LRP2: variants seen among roughly 807,000 people sequenced by gnomAD.
The protein encoded by LRP2 is LDL receptor related protein 2.
Under a neutral mutation model 531.0 loss-of-function variants are expected in LRP2, and 172 were observed. The observed-to-expected ratio is 0.32, with a 90% CI of 0.29 to 0.37. LRP2 has a LOEUF of 0.37. LRP2 is among the 10% of genes least tolerant of loss of function. The pLI, the probability that LRP2 is intolerant of heterozygous loss-of-function variation, is 1.00. For missense variants in LRP2, 5,167 were observed against 5,868.3 expected, an observed-to-expected ratio of 0.88 and a Z score of 3.90; for synonymous variants, 1,992 against 2,027.6, an observed-to-expected ratio of 0.98 and a Z score of 0.47.
At chr2:169,350,981 A>T (rs1236003843) in intron 1 of LRP2, among the ~76,000 whole-genome samples, 1 of 152,174 alleles carries the variant, frequency 6.6e-6, no homozygotes, top group Non-Finnish European at 1.5e-5. Context: ...GAGGCCACCA[A>T]GGAGGCAGTG....
intron 41 of LRP2, among the ~76,000 whole-genome samples, chr2:169,204,898 G>A (rs899987337): frequency 1.3e-5 from 2 of 152,130 alleles, no homozygotes; most frequent in African/African-American, 4.8e-5. Flanking sequence ...CATATGGGGG[G>A]TACTTGGAGA....
intron 71 of LRP2, among the ~76,000 whole-genome samples, chr2:169,141,337 T>G (rs1468420279): frequency 6.6e-6 from 1 of 152,176 alleles, no homozygotes; most frequent in Non-Finnish European, 1.5e-5. Context: ...CTGCCTTCAT[T>G]TTCTCCATAG....
Position 169,224,157 on chromosome 2 carries a change from C to T in LRP2, c.5538+1153G>A, listed in dbSNP as rs773959768. Reference sequence around the variant, plus strand: ...CTAAATTAGCCAGCAGGCTGCTGTGCGCCTTGCTCATCTTCAGTATCTTTC... The same window carrying T: ...CTAAATTAGCCAGCAGGCTGCTGTGTGCCTTGCTCATCTTCAGTATCTTTC... On this transcript the variant is annotated intron_variant, in intron 33 of 78. Transcript: ENST00000649046. Among the ~76,000 whole-genome samples the T allele has an allele frequency of 3.9e-5, 6 of 152,300 alleles. No homozygotes were observed. In the East Asian group the frequency reaches 5.8e-4, roughly 15 times the overall value.
intron 1 of LRP2, among the ~76,000 whole-genome samples, chr2:169,326,544 G>C (rs2105526155): frequency 6.6e-6 from 1 of 152,112 alleles, no homozygotes; most frequent in Admixed American, 6.5e-5. Flanking sequence ...CTGGAGTACA[G>C]TGGCGTGATC....
At chr2:169,306,281 C>T (rs1684415806) in intron 4 of LRP2, among the ~76,000 whole-genome samples, 2 of 152,136 alleles carry the variant, frequency 1.3e-5, no homozygotes, top group Admixed American at 1.3e-4. Flanking sequence ...TGCCTGTAAT[C>T]CCAGCACTTT....
chr2:169,194,925 G>GGTCTC (rs1220273852), intron 46 of LRP2, among the ~76,000 whole-genome samples: 1 of 150,752 alleles, frequency 6.6e-6, no homozygotes, highest in African/African-American at 2.4e-5. Context: ...TGGCCAGGAT[G>GGTCTC]GTCTCGATCT....
chr2:169,191,770 A>G, intron 48 of LRP2, 62 bp downstream of exon 48: 2 of 1,463,254 alleles, frequency 1.4e-6, no homozygotes, highest in Non-Finnish European at 1.9e-6. Flanking sequence ...CTGATAGGTA[A>G]GTGAGCCCAG....
chr2:169,147,601 G>A (rs1172581861), intron 68 of LRP2, among the ~76,000 whole-genome samples: 1 of 152,170 alleles, frequency 6.6e-6, no homozygotes, highest in Non-Finnish European at 1.5e-5. Flanking sequence ...ACAGGAGTGA[G>A]CCACCACACC....
At chr2:169,147,059 C>A in intron 68 of LRP2, 100 bp from the exon 69 acceptor site, 1 of 934,090 alleles carries the variant, frequency 1.1e-6, no homozygotes, top group South Asian at 1.4e-5. Context: ...AACTGTTTAT[C>A]TCAGGGACCT....
intron 76 of LRP2, among the ~76,000 whole-genome samples, chr2:169,133,324 T>C (rs898246318): frequency 1.9e-4 from 29 of 152,210 alleles, no homozygotes; most frequent in African/African-American, 7.0e-4. Context: ...ATTCACTCCT[T>C]TTCCTATATT....
intron 3 of LRP2, among the ~76,000 whole-genome samples, chr2:169,314,602 T>G (rs1454654321): frequency 6.6e-6 from 1 of 152,236 alleles, no homozygotes; most frequent in Non-Finnish European, 1.5e-5. Flanking sequence ...TCCTTCTTTC[T>G]GTTTAATTAG....
At chr2:169,260,209 G>A (rs890346912) in intron 16 of LRP2, among the ~76,000 whole-genome samples, 1 of 152,122 alleles carries the variant, frequency 6.6e-6, no homozygotes, top group Non-Finnish European at 1.5e-5. Context: ...GAAAGAGGAG[G>A]AGGCAACTAG....
intron 1 of LRP2, among the ~76,000 whole-genome samples, chr2:169,328,451 A>AAAG (rs1345565970): frequency 8.1e-5 from 11 of 135,964 alleles, no homozygotes; most frequent in East Asian, 2.1e-4. Flanking sequence ...TAAAAAAAAA[A>AAAG]AAAAAAAAAA....
At chr2:169,191,234 G>A (rs1687818768) in intron 48 of LRP2, among the ~76,000 whole-genome samples, 1 of 152,152 alleles carries the variant, frequency 6.6e-6, no homozygotes, top group South Asian at 2.1e-4. Context: ...CATTGTCTCA[G>A]TTCACTCCAC....
chr2:169,169,699 T>TA lies in LRP2; in HGVS notation c.11497+2dup, dbSNP rs1456330424. 2.5e-6 allele frequency: 4 copies of TA among 1,612,488 alleles called. No individual in the cohort carries two copies. The highest frequency in any genetic ancestry group is 2.2e-5 in the East Asian group (1 of 44,880). On this transcript the variant is annotated splice_region_variant and intron_variant, in intron 60 of 78. Coordinates refer to ENST00000649046, the MANE Select transcript of LRP2 (RefSeq NM_004525.3). ...AGTACTACATATGTGTCTAGGGACT[T>TA]ACGACAATCAGCTTCATCAGACGCA... is the stretch of plus-strand genomic sequence containing the variant.
In LRP2 at chr2:169,146,590, G is replaced by A. The variant is rs185578288; in HGVS notation, c.12811+149C>T. The stretch of plus-strand genomic sequence containing the variant: ...AACTCATCTGCATTTAATTCAGCAG[G>A]TGGGAGTTGGTGGGGGTGGAGGGGT... On this transcript the variant is annotated intron_variant, in intron 69 of 78. Coordinates refer to ENST00000649046, the MANE Select transcript of LRP2 (RefSeq NM_004525.3). 141 of 616,708 alleles carry A rather than the reference G, an allele frequency of 2.3e-4. No individual in the cohort carries two copies. The Admixed American group carries it at 2.4e-3, about 10-fold the overall frequency. The allele number at this position is 616,708 out of a possible 1,614,324, so 38.2% of individuals were successfully genotyped here.
intron 31 of LRP2, among the ~76,000 whole-genome samples, chr2:169,231,386 G>A (rs1229988956): frequency 6.6e-6 from 1 of 151,982 alleles, no homozygotes; most frequent in African/African-American, 2.4e-5. Context: ...CACAAACGTT[G>A]AGAATGTTTA....
At chr2:169,336,481 A>G (rs78991977) in intron 1 of LRP2, among the ~76,000 whole-genome samples, 6,163 of 152,130 alleles carry the variant, frequency 0.041, 185 homozygotes, top group East Asian at 0.096. Context: ...CAGAGGCTGC[A>G]GTGAGCTGAG....
chr2:169,310,629 C>T lies in LRP2; in HGVS notation c.311-3232G>A, dbSNP rs936881394. ...AGTATTTCACTGAAGATTTTTGCAT[C>T]GATGTTCATCAGGGCTATTGGTCTA... is the stretch of plus-strand genomic sequence containing the variant. On this transcript the variant is annotated intron_variant, in intron 3 of 78. Transcript: ENST00000649046. 2.6e-5 allele frequency among the ~76,000 whole-genome samples: 4 copies of T among 152,152 alleles called. No homozygotes were observed. In the East Asian group the frequency reaches 5.8e-4, roughly 22 times the overall value.
Sources: allele counts gnomAD v4.1 joint callset (sites outside exome capture counted in the v4.1 genomes callset), GRCh38; gene constraint gnomAD v4.1.1; transcripts MANE v1.5; gene names NCBI Gene and HGNC (gene_info 2026-07-23, HGNC 2026-07-21).